SPATA22: variants seen among roughly 807,000 people sequenced by gnomAD.
The protein encoded by SPATA22 is spermatogenesis-associated protein 22.
In SPATA22, 29 loss-of-function variants were observed where a neutral mutation model predicts 47.8. The observed-to-expected ratio is 0.61, with a 90% CI of 0.45 to 0.83. The LOEUF (loss-of-function observed/expected upper bound fraction) is 0.83. Among genes scored for constraint, SPATA22 ranks in the 40% least tolerant of loss-of-function variants. SPATA22 has a pLI of 0.00. For synonymous variants in SPATA22, 133 were observed against 140.9 expected, an observed-to-expected ratio of 0.94 and a Z score of 0.40; for missense variants, 410 against 421.7, an observed-to-expected ratio of 0.97 and a Z score of 0.24.
chr17:3,443,436 G>A (rs2072641305), intron 7 of SPATA22, among the ~76,000 whole-genome samples, 165 bp from the exon 8 acceptor site: 1 of 151,968 alleles, frequency 6.6e-6, no homozygotes. Context: ...TTCTCAGGCA[G>A]TTTTATAGGT....
chr17:3,462,647 A>T lies in SPATA22; in HGVS notation c.233+60T>A, dbSNP rs113389348. 2.4e-5 allele frequency: 38 copies of T among 1,575,098 alleles called. 3 individuals are homozygous for T. The highest frequency in any genetic ancestry group is 2.0e-4 in the African/African-American group (15 of 74,242). ...CAAATTGAGAAATTAAGATATACGTAGAAGAACAACATCAGTTAGTAACAG... is the reference window on the plus strand; with the variant it reads ...CAAATTGAGAAATTAAGATATACGTTGAAGAACAACATCAGTTAGTAACAG... On this transcript the variant is annotated intron_variant, in intron 4 of 8. Coordinates refer to ENST00000572969, the MANE Select transcript of SPATA22 (RefSeq NM_001170698.2).
At chr17:3,483,408 A>T in intron 1 of SPATA22, 1 of 1,081,736 alleles carries the variant, frequency 9.2e-7, no homozygotes. Flanking sequence ...TGATGAAGTA[A>T]AACGTATTGA....
chr17:3,492,941 C>G (rs557495695), intron 1 of SPATA22, among the ~76,000 whole-genome samples: 2 of 152,184 alleles, frequency 1.3e-5, no homozygotes, highest in African/African-American at 4.8e-5. Flanking sequence ...TTTGAAGCCA[C>G]TAAATTCTGG....
chr17:3,483,845 C>T (rs1035917381), intron 1 of SPATA22, among the ~76,000 whole-genome samples: 14 of 151,800 alleles, frequency 9.2e-5, no homozygotes, highest in African/African-American at 1.9e-4. Context: ...TTAGTACAGA[C>T]GGAGTTTCAC....
At chr17:3,476,414 T>C, upstream of SPATA22, 1 of 1,604,962 alleles carries the variant, frequency 6.2e-7, no homozygotes, top group African/African-American at 1.3e-5. Flanking sequence ...ATGCTTTGTA[T>C]TGTATATGTA....
chr17:3,461,797 C>G lies in SPATA22; in HGVS notation c.329+686G>C, dbSNP rs551302420. ...TGAAATAACATATCAAAGCACTTAA[C>G]AGTGACTGATTTGGTGTTGTTTTCC... On this transcript the variant is annotated intron_variant, in intron 5 of 8. Coordinates refer to ENST00000572969, the MANE Select transcript of SPATA22 (RefSeq NM_001170698.2). Among the ~76,000 whole-genome samples, 4 of 152,256 alleles carry G rather than the reference C, an allele frequency of 2.6e-5. No individual in the cohort carries two copies. The South Asian group carries it at 8.3e-4, about 32-fold the overall frequency.
At chr17:3,447,374 A>G (rs1597388283) in intron 6 of SPATA22, among the ~76,000 whole-genome samples, 1 of 152,172 alleles carries the variant, frequency 6.6e-6, no homozygotes, top group East Asian at 1.9e-4. Context: ...AGAACATATG[A>G]TGGGACCTTT....
chr17:3,448,997 G>C lies in SPATA22; in HGVS notation c.482C>G (p.Pro161Arg). The change falls in exon 6 of 9, where the codon CCT (proline) becomes CGT (arginine). Residue 161 changes from proline to arginine, a missense_variant. By Grantham distance (103) the Pro-to-Arg change is moderately radical. Transcript: ENST00000572969. Reference sequence around the variant, plus strand: ...GTTGCGAGATAAGTTAGGAGGTTCAGGTATTCTTAATTGTTTTTGTTGTTG... The same window carrying C: ...GTTGCGAGATAAGTTAGGAGGTTCACGTATTCTTAATTGTTTTTGTTGTTG... ...GAQQQKQLRI[P>R]EPPNLSRNKE... 2 of 1,613,914 alleles carry C rather than the reference G, an allele frequency of 1.2e-6. No homozygotes were observed. The highest frequency in any genetic ancestry group is 1.7e-6 in the Non-Finnish European group (2 of 1,179,942).
intron 1 of SPATA22, chr17:3,481,758 C>T (rs1443148651): frequency 6.2e-7 from 1 of 1,612,476 alleles, no homozygotes; most frequent in Admixed American, 1.7e-5. Flanking sequence ...CTTGAGGATT[C>T]CAGGAATAAC....
chr17:3,448,690 C>G, intron 6 of SPATA22, 117 bp downstream of exon 6: 1 of 716,314 alleles, frequency 1.4e-6, no homozygotes, highest in Non-Finnish European at 2.2e-6. Context: ...TTATGCTAAT[C>G]AAGTAATGTA....
At chr17:3,471,882 T>C (rs2073447231), upstream of SPATA22, 3 of 984,958 alleles carry the variant, frequency 3.0e-6, no homozygotes, top group African/African-American at 1.7e-5. Context: ...CGCGATGGCA[T>C]CTTCGCTGCC....
upstream of SPATA22, chr17:3,472,513 C>T (rs1305757418): frequency 6.6e-6 from 1 of 152,284 alleles, no homozygotes; most frequent in African/African-American, 2.4e-5. Flanking sequence ...AGAACAATAA[C>T]AACAATCGCC....
At chr17:3,503,748 T>G (rs2074016484) in intron 1 of SPATA22, among the ~76,000 whole-genome samples, 1 of 152,160 alleles carries the variant, frequency 6.6e-6, no homozygotes, top group African/African-American at 2.4e-5. Context: ...TTTAGCCACT[T>G]TGAGTTTTAT....
At chr17:3,492,578 T>G (rs1040506585) in intron 1 of SPATA22, among the ~76,000 whole-genome samples, 5 of 152,246 alleles carry the variant, frequency 3.3e-5, no homozygotes, top group African/African-American at 1.2e-4. Context: ...TGAATTGTTT[T>G]GTGCCATAGA....
chr17:3,502,157 C>T (rs1433181511), intron 1 of SPATA22: 3 of 152,210 alleles, frequency 2.0e-5, no homozygotes, highest in Admixed American at 6.5e-5. Flanking sequence ...GCAAGGCCCT[C>T]CACCAGCAAA....
intron 1 of SPATA22, among the ~76,000 whole-genome samples, chr17:3,482,457 T>C (rs1337974634): frequency 2.0e-5 from 3 of 152,204 alleles, no homozygotes; most frequent in Non-Finnish European, 4.4e-5. Flanking sequence ...GTGTACTAGA[T>C]AGCCTTCCTT....
chr17:3,504,116 C>G (rs542121524), intron 1 of SPATA22, among the ~76,000 whole-genome samples: 3 of 152,246 alleles, frequency 2.0e-5, no homozygotes, highest in Admixed American at 6.5e-5. Context: ...CCTCCCACCC[C>G]ACCTCAGACT....
intron 1 of SPATA22, among the ~76,000 whole-genome samples, chr17:3,479,290 CTGGG>C (rs2073586136): frequency 6.6e-6 from 1 of 152,142 alleles, no homozygotes; most frequent in Admixed American, 6.5e-5. Flanking sequence ...CTCTGAGCAA[CTGGG>C]TAGATACTAG....
intron 5 of SPATA22, among the ~76,000 whole-genome samples, chr17:3,459,667 C>A (rs963908773): frequency 1.7e-4 from 26 of 152,300 alleles, no homozygotes; most frequent in Non-Finnish European, 1.6e-4. Flanking sequence ...CTCCGCCTCC[C>A]AAAGTGCCGG....
Sources: allele counts gnomAD v4.1 joint callset (sites outside exome capture counted in the v4.1 genomes callset), GRCh38; gene constraint gnomAD v4.1.1; transcripts MANE v1.5; gene names NCBI Gene and HGNC (gene_info 2026-07-23, HGNC 2026-07-21).